Variants in SLC6A2 observed in about 807,000 individuals in gnomAD.
SLC6A2 encodes solute carrier family 6 member 2.
In SLC6A2, 26 loss-of-function variants were observed where a neutral mutation model predicts 71.7. The observed-to-expected ratio is 0.36, with a 90% CI of 0.27 to 0.50. SLC6A2 has a LOEUF of 0.50. Among genes scored for constraint, SLC6A2 ranks in the 20% least tolerant of loss-of-function variants. The pLI is 0.96. For missense variants in SLC6A2, 581 were observed against 803.9 expected (o/e 0.72, Z 3.35); for synonymous variants, 363 against 337.9 (o/e 1.07, Z -0.82).
Position 55,657,116 on chromosome 16 carries a change from GAA to G in SLC6A2, c.274+156_274+157del, listed in dbSNP as rs11407577. The G allele has an allele frequency of 2.1e-4, 150 of 709,484 alleles. No homozygotes were observed. The African/African-American group carries it at 2.4e-3, about 11-fold the overall frequency. The allele number at this position is 709,484 out of a possible 1,614,324, so 43.9% of individuals were successfully genotyped here. A position where few individuals can be genotyped will look rare whatever the true frequency, so the allele number is the denominator to read the frequency against. On this transcript the variant is annotated intron_variant, in intron 2 of 14. Transcript: ENST00000568943. ...AGAAAGAACTGGACAGGGCTAACGG[GAA>G]AAAAAAAGATTGGAGTCCTCTGGAA...
At chr16:55,696,458 G>C in intron 9 of SLC6A2, 121 bp downstream of exon 9, 1 of 737,454 alleles carries the variant, frequency 1.4e-6, no homozygotes, top group Non-Finnish European at 2.5e-6. Context: ...GTTGTTTCCA[G>C]AAGGCCCTAT....
intron 6 of SLC6A2, among the ~76,000 whole-genome samples, chr16:55,693,328 C>T (rs1567453068): frequency 6.6e-6 from 1 of 151,910 alleles, no homozygotes; most frequent in African/African-American, 2.4e-5. Context: ...CAAGATCATG[C>T]CACTGCACTC....
intron 2 of SLC6A2, among the ~76,000 whole-genome samples, chr16:55,665,415 T>G (rs576487623): frequency 6.6e-6 from 1 of 152,064 alleles, no homozygotes; most frequent in East Asian, 1.9e-4. Context: ...GGACCAAGGT[T>G]TTCTTGGGGG....
intron 2 of SLC6A2, among the ~76,000 whole-genome samples, chr16:55,661,312 C>T (rs529279607): frequency 6.6e-6 from 1 of 152,284 alleles, no homozygotes; most frequent in African/African-American, 2.4e-5. Context: ...TCTTTAGGTT[C>T]AGGGTCTGAG....
chr16:55,675,840 A>G (rs1256772486), intron 4 of SLC6A2, among the ~76,000 whole-genome samples: 2 of 152,096 alleles, frequency 1.3e-5, no homozygotes, highest in African/African-American at 4.8e-5. Context: ...AGTCCTATGG[A>G]TTCCCCAAGC....
chr16:55,664,778 A>T (rs1405248896), intron 2 of SLC6A2, among the ~76,000 whole-genome samples: 2 of 152,194 alleles, frequency 1.3e-5, no homozygotes, highest in Non-Finnish European at 2.9e-5. Context: ...GGACAGGATT[A>T]TCTTTAGGTC....
intron 4 of SLC6A2, among the ~76,000 whole-genome samples, chr16:55,679,246 G>A (rs1447023620): frequency 1.8e-5 from 2 of 109,634 alleles, no homozygotes; most frequent in Non-Finnish European, 3.8e-5. Flanking sequence ...TTTTTTTTTT[G>A]AGGCAGATTC....
Position 55,656,883 on chromosome 16 carries a change from C to G in SLC6A2, c.189C>G (p.Ile63Met). The G allele has an allele frequency of 1.2e-6, 2 of 1,614,026 alleles. No homozygotes were observed. The highest frequency in any genetic ancestry group is 1.7e-6 in the Non-Finnish European group (2 of 1,179,940). ...CCCGGGAGACCTGGGGCAAGAAGAT[C>G]GACTTCCTGCTGTCCGTAGTCGGCT... is the stretch of plus-strand genomic sequence containing the variant. ...AQPRETWGKK[I>M]DFLLSVVGFA... Residue 63 changes from isoleucine to methionine, a missense_variant, in exon 2 of 15, where the codon ATC becomes ATG. Around this residue, in one of 5 missense-constraint regions of SLC6A2, gnomAD observed 81 missense variants for 152.4 expected, o/e 0.53. Coordinates refer to ENST00000568943, the MANE Select transcript of SLC6A2 (RefSeq NM_001172501.3). This position sits in a 1 kb window ranked among gnomAD's most constrained non-coding sequence, Gnocchi z 4.5.
rs1174483037 is a variant in SLC6A2 at position 55,702,749 on chromosome 16, A to AG, written c.*403_*404insG. 7.1e-6 allele frequency: 7 copies of AG among 990,800 alleles called. No individual in the cohort carries two copies. The African/African-American group carries it at 1.1e-4, about 16-fold the overall frequency. The allele number at this position is 990,800 out of a possible 1,614,324, so 61.4% of individuals were successfully genotyped here. A position where few individuals can be genotyped will look rare whatever the true frequency, so the allele number is the denominator to read the frequency against. On this transcript the variant is annotated 3_prime_UTR_variant, in exon 15 of 15. Coordinates refer to ENST00000568943, the MANE Select transcript of SLC6A2 (RefSeq NM_001172501.3). ...GGCTTTTGATCAGATACCCCTCCCA[A>AG]AAAAAAAAAAAACTAAAACTAAAGC...
At chr16:55,695,237 G>T (rs11568337) in intron 7 of SLC6A2, 41 bp from the exon 8 acceptor site, 19,975 of 1,612,924 alleles carry the variant, frequency 0.012, 189 homozygotes, top group Non-Finnish European at 0.013. Context: ...ACAGGGTTGA[G>T]GGTGTCAAGG....
chr16:55,678,986 G>A (rs1965183970), intron 4 of SLC6A2, among the ~76,000 whole-genome samples: 2 of 152,158 alleles, frequency 1.3e-5, no homozygotes, highest in Admixed American at 1.3e-4. Flanking sequence ...GACTTTGAAT[G>A]CATGGGACAT....
At chr16:55,658,503 G>A (rs1353863328) in intron 2 of SLC6A2, among the ~76,000 whole-genome samples, 2 of 151,686 alleles carry the variant, frequency 1.3e-5, no homozygotes, top group African/African-American at 2.4e-5. Flanking sequence ...ATGGGTGACA[G>A]AGCAAGACTC....
At position 55,672,195 on chromosome 16, in the gene SLC6A2, TG is replaced by T. The variant is rs1459922890; in HGVS notation, c.644+21del. 1 of 1,614,102 alleles carries T rather than the reference TG, an allele frequency of 6.2e-7. No homozygotes were observed. ...TTATGAGTAAGTCACAGACCCCTTG[TG>T]CTGGGCCTGTTGAGGCCAGTGCTTG... On this transcript the variant is annotated intron_variant, in intron 4 of 14. Coordinates refer to ENST00000568943, the MANE Select transcript of SLC6A2 (RefSeq NM_001172501.3).
Position 55,698,488 on chromosome 16 carries a change from C to G in SLC6A2, c.1409C>G (p.Thr470Ser). ...CITKGGIYVL[T>S]LLDTFAAGTS... is the part of the protein sequence containing the mutation. ...TGCCAGGGTGGAATTTACGTCTTGA[C>G]CCTCCTGGACACCTTTGCTGCGGGC... Residue 470 changes from threonine to serine, a missense_variant, in exon 11 of 15, where the codon ACC (threonine) becomes AGC (serine). By Grantham distance (58) the Thr-to-Ser change is moderately conservative. Coordinates refer to ENST00000568943, the MANE Select transcript of SLC6A2 (RefSeq NM_001172501.3). 1 of 1,613,912 alleles carries G rather than the reference C, an allele frequency of 6.2e-7. No homozygotes were observed. Among genetic ancestry groups the G allele is most frequent in the Middle Eastern group, 1.7e-4 (1 of 6,060 alleles).
Position 55,702,760 on chromosome 16 carries a change from A to AG in SLC6A2, c.*414_*415insG. On this transcript the variant is annotated 3_prime_UTR_variant, in exon 15 of 15. Coordinates refer to ENST00000568943, the MANE Select transcript of SLC6A2 (RefSeq NM_001172501.3). ...AGATACCCCTCCCAAAAAAAAAAAA[A>AG]ACTAAAACTAAAGCAAAAATCAAAC... The AG allele has an allele frequency of 9.6e-7, 1 of 1,041,556 alleles. No individual in the cohort carries two copies. The highest frequency in any genetic ancestry group is 1.2e-6 in the Non-Finnish European group (1 of 866,448). 64.5% of individuals were successfully genotyped at this position (1,041,556 alleles called of 1,614,324 possible).
chr16:55,667,688 G>A (rs1437470079), intron 2 of SLC6A2, among the ~76,000 whole-genome samples: 2 of 152,244 alleles, frequency 1.3e-5, no homozygotes, highest in African/African-American at 4.8e-5. Context: ...CCAGCCTGGA[G>A]CAGTGGCTGT....
At position 55,702,945 on chromosome 16, in the gene SLC6A2, A is replaced by G. The variant is rs1273763210; in HGVS notation, c.*599A>G. 3 of 988,366 alleles carry G rather than the reference A, an allele frequency of 3.0e-6. No individual in the cohort carries two copies. The highest frequency in any genetic ancestry group is 3.6e-6 in the Non-Finnish European group (3 of 831,902). 61.2% of individuals were successfully genotyped at this position (988,366 alleles called of 1,614,324 possible). A position where few individuals can be genotyped will look rare whatever the true frequency, so the allele number is the denominator to read the frequency against. On this transcript the variant is annotated 3_prime_UTR_variant, in exon 15 of 15. Coordinates refer to ENST00000568943, the MANE Select transcript of SLC6A2 (RefSeq NM_001172501.3). ...ATAGATGCTTTGAGGGATTTTGAGT[A>G]GAAACATTCATAGTTAATTTTCACT...
intron 4 of SLC6A2, among the ~76,000 whole-genome samples, chr16:55,682,817 G>A (rs1965317389): frequency 6.6e-6 from 1 of 152,208 alleles, no homozygotes; most frequent in South Asian, 2.1e-4. Flanking sequence ...GTGAGGCACA[G>A]AGAAGAACCC....
Position 55,692,475 on chromosome 16 carries a change from C to T in SLC6A2, c.918+423C>T, listed in dbSNP as rs78912753. 2.6e-3 allele frequency among the ~76,000 whole-genome samples: 397 copies of T among 152,294 alleles called. 2 individuals carry two copies. Among genetic ancestry groups the T allele is most frequent in the Non-Finnish European group, 3.1e-3 (208 of 68,030 alleles). On this transcript the variant is annotated intron_variant, in intron 6 of 14. Coordinates refer to ENST00000568943, the MANE Select transcript of SLC6A2 (RefSeq NM_001172501.3). Reference sequence around the variant, plus strand: ...CCTGTGATGTCAGCACAAGGATAGTCTTAGCCACCAGGGAGGCCCTGCCAA... The same window carrying T: ...CCTGTGATGTCAGCACAAGGATAGTTTTAGCCACCAGGGAGGCCCTGCCAA...
Sources: allele counts gnomAD v4.1 joint callset (sites outside exome capture counted in the v4.1 genomes callset), GRCh38; gene constraint gnomAD v4.1.1; regional missense constraint gnomAD v4.1.1; non-coding constraint Gnocchi (gnomAD v3.1); transcripts MANE v1.5; gene names NCBI Gene and HGNC (gene_info 2026-07-23, HGNC 2026-07-21).